The following SDHAF3 variants were observed in gnomAD, a reference collection of about 807,000 sequenced individuals.
The protein encoded by SDHAF3 is succinate dehydrogenase complex assembly factor 3.
In SDHAF3, 18 loss-of-function variants were observed where a neutral mutation model predicts 11.5. The observed-to-expected ratio is 1.56, with a 90% CI of 1.08 to 2.32. The LOEUF (loss-of-function observed/expected upper bound fraction) is 2.32. Among genes scored for constraint, SDHAF3 ranks in the 30% most tolerant of loss-of-function variants. SDHAF3 has a pLI of 0.00. For synonymous variants in SDHAF3, 72 were observed against 59.3 expected (o/e 1.21, Z -0.99); for missense variants, 200 against 154.4 (o/e 1.30, Z -1.57).
intron 1 of SDHAF3, among the ~76,000 whole-genome samples, chr7:97,174,308 AC>A (rs1224632130): frequency 1.3e-5 from 2 of 152,258 alleles, no homozygotes; most frequent in African/African-American, 4.8e-5. Context: ...TTTTAGAGTT[AC>A]AGAAGAGAGT....
At chr7:97,158,285 G>A (rs1199292) in intron 1 of SDHAF3, among the ~76,000 whole-genome samples, 92,258 of 151,946 alleles carry the variant, frequency 0.61, 28,113 homozygotes, top group Non-Finnish European at 0.64. Flanking sequence ...GTTGTTTAAT[G>A]TTTCCATTTC....
chr7:97,148,756 A>G (rs573733761), intron 1 of SDHAF3, among the ~76,000 whole-genome samples: 1 of 152,348 alleles, frequency 6.6e-6, no homozygotes, highest in Admixed American at 6.5e-5. Context: ...TGCGTAAGAT[A>G]ACCTAGAATA....
intron 1 of SDHAF3, among the ~76,000 whole-genome samples, chr7:97,124,425 C>G (rs371062556): frequency 3.9e-5 from 6 of 152,054 alleles, no homozygotes; most frequent in Non-Finnish European, 7.4e-5. Flanking sequence ...AGTCAGGTAG[C>G]GTGATGCCTT....
chr7:97,157,455 A>G (rs1010893377), intron 1 of SDHAF3, among the ~76,000 whole-genome samples: 1 of 152,210 alleles, frequency 6.6e-6, no homozygotes, highest in Non-Finnish European at 1.5e-5. Context: ...ATCATTAAAA[A>G]GTCAGGAAAC....
At chr7:97,119,498 T>A (rs187053116) in intron 1 of SDHAF3, among the ~76,000 whole-genome samples, 1 of 152,196 alleles carries the variant, frequency 6.6e-6, no homozygotes, top group Admixed American at 6.5e-5. Flanking sequence ...TACAGAAGAG[T>A]TAGAAAGACA....
intron 1 of SDHAF3, among the ~76,000 whole-genome samples, chr7:97,133,855 G>A (rs1435973156): frequency 1.3e-5 from 2 of 152,034 alleles, no homozygotes; most frequent in African/African-American, 2.4e-5. Context: ...TGCTTTATTC[G>A]AATAGATTTA....
At chr7:97,146,977 G>A (rs946606723) in intron 1 of SDHAF3, among the ~76,000 whole-genome samples, 4 of 151,974 alleles carry the variant, frequency 2.6e-5, no homozygotes, top group South Asian at 2.1e-4. Flanking sequence ...TCCTGACCTC[G>A]TGATCCACCC....
chr7:97,134,818 A>G (rs1791724512), intron 1 of SDHAF3, among the ~76,000 whole-genome samples: 1 of 152,014 alleles, frequency 6.6e-6, no homozygotes, highest in South Asian at 2.1e-4. Context: ...TGCTCATAAC[A>G]CCCCTGACTG....
chr7:97,135,686 T>G (rs867746711), intron 1 of SDHAF3: 1 of 97,610 alleles, frequency 1.0e-5, no homozygotes, highest in African/African-American at 3.7e-5. Context: ...ATATATATTT[T>G]TTTTTTTTTT....
intron 1 of SDHAF3, among the ~76,000 whole-genome samples, chr7:97,159,952 TCTGAGGATGGTGCTATC>T (rs1341629177): frequency 3.3e-5 from 5 of 152,214 alleles, no homozygotes; most frequent in African/African-American, 1.2e-4. Context: ...ATGATTTTTG[TCTGAGGATGGTGCTATC>T]CTGATGACAT....
At chr7:97,156,581 T>C (rs924055106) in intron 1 of SDHAF3, among the ~76,000 whole-genome samples, 12 of 152,264 alleles carry the variant, frequency 7.9e-5, no homozygotes, top group African/African-American at 2.4e-4. Context: ...TTAACTGACA[T>C]ATCAAACTGT....
At chr7:97,128,123 C>A (rs930885918) in intron 1 of SDHAF3, among the ~76,000 whole-genome samples, 6 of 152,000 alleles carry the variant, frequency 3.9e-5, no homozygotes, top group African/African-American at 1.5e-4. Flanking sequence ...GTCTCAAACT[C>A]CTGACACCAA....
chr7:97,129,831 G>C (rs1791638712), intron 1 of SDHAF3, among the ~76,000 whole-genome samples: 1 of 152,134 alleles, frequency 6.6e-6, no homozygotes, highest in Non-Finnish European at 1.5e-5. Context: ...GGCGAGCCAG[G>C]CACAGAGCAG....
At position 97,180,997 on chromosome 7, in the gene SDHAF3, T is replaced by TC; in HGVS notation, c.175-14dup. 6.2e-7 allele frequency: 1 copy of TC among 1,601,680 alleles called. No homozygotes were observed. The highest frequency in any genetic ancestry group is 8.5e-7 in the Non-Finnish European group (1 of 1,174,460). On this transcript the variant is annotated splice_polypyrimidine_tract_variant and intron_variant, in intron 1 of 1. Coordinates refer to ENST00000432641, the MANE Select transcript of SDHAF3 (RefSeq NM_020186.3). ...TAAACTTTACATCTATAACCTTCAT[T>TC]CTTTATCTTTTTAGGTGTATGCAAC... is the stretch of plus-strand genomic sequence containing the variant.
At chr7:97,165,942 CAGTA>C in intron 1 of SDHAF3, among the ~76,000 whole-genome samples, 1 of 152,134 alleles carries the variant, frequency 6.6e-6, no homozygotes, top group East Asian at 1.9e-4. Flanking sequence ...TCAACATCAA[CAGTA>C]AGAAGTCTGC....
intron 1 of SDHAF3, among the ~76,000 whole-genome samples, chr7:97,157,677 T>C (rs918174180): frequency 7.9e-5 from 12 of 152,156 alleles, no homozygotes; most frequent in Non-Finnish European, 1.3e-4. Flanking sequence ...CGTATGTTTA[T>C]TGTGGCACTA....
chr7:97,139,601 A>T (rs1298673380), intron 1 of SDHAF3, among the ~76,000 whole-genome samples: 1 of 152,192 alleles, frequency 6.6e-6, no homozygotes, highest in Admixed American at 6.5e-5. Flanking sequence ...TTTAGGCTTT[A>T]AACTGCCTTT....
chr7:97,167,332 T>A (rs948898924), intron 1 of SDHAF3, among the ~76,000 whole-genome samples: 11 of 152,228 alleles, frequency 7.2e-5, no homozygotes, highest in Non-Finnish European at 1.6e-4. Context: ...TTTGTTCATC[T>A]TCTGCTATGA....
chr7:97,134,359 A>G (rs61568935), intron 1 of SDHAF3, among the ~76,000 whole-genome samples: 3,804 of 152,326 alleles, frequency 0.025, 148 homozygotes, highest in African/African-American at 0.087. Flanking sequence ...TTACTGGTGA[A>G]TAACCAGAAT....
Sources: allele counts gnomAD v4.1 joint callset (sites outside exome capture counted in the v4.1 genomes callset), GRCh38; gene constraint gnomAD v4.1.1; transcripts MANE v1.5; gene names NCBI Gene and HGNC (gene_info 2026-07-23, HGNC 2026-07-21).